Variants in ABHD12 observed in about 807,000 individuals in gnomAD.
ABHD12 encodes the protein abhydrolase domain containing 12, lysophospholipase.
In ABHD12, 43 loss-of-function variants were observed where a neutral mutation model predicts 58.3. The ratio of observed to expected loss-of-function variants is 0.74; its 90% CI spans 0.58 to 0.95. ABHD12 has a LOEUF of 0.95. Among genes scored for constraint, ABHD12 ranks in the 40% least tolerant of loss-of-function variants. The probability of loss-of-function intolerance (pLI) is 0.00; values close to 1 mark genes in which losing one functional copy is unlikely to be tolerated. For missense variants in ABHD12, 539 were observed against 537.2 expected, an observed-to-expected ratio of 1.00 and a Z score of -0.03; for synonymous variants, 219 against 211.2, an observed-to-expected ratio of 1.04 and a Z score of -0.32.
At chr20:25,295,846 A>G (rs934955792), downstream of ABHD12, among the ~76,000 whole-genome samples, 1 of 152,194 alleles carries the variant, frequency 6.6e-6, no homozygotes, top group African/African-American at 2.4e-5. Context: ...GTCACTGTCA[A>G]TGTCACTCCC....
In ABHD12 at chr20:25,300,443, C is replaced by A; in HGVS notation, c.*402G>T. ...TGTGCTGGGAAGGTGCAGAAAGAAC[C>A]TGGACCCCACGTTCTCTGTGGGTGG... On this transcript the variant is annotated 3_prime_UTR_variant, in exon 13 of 13. Coordinates refer to ENST00000339157, the MANE Select transcript of ABHD12 (RefSeq NM_001042472.3). 8.4e-7 allele frequency: 1 copy of A among 1,187,172 alleles called. No individual in the cohort carries two copies. The highest frequency in any genetic ancestry group is 1.1e-6 in the Non-Finnish European group (1 of 944,838). The allele number at this position is 1,187,172 out of a possible 1,614,324, so 73.5% of individuals were successfully genotyped here. A position where few individuals can be genotyped will look rare whatever the true frequency, so the allele number is the denominator to read the frequency against.
intron 7 of ABHD12, 55 bp from the exon 8 acceptor site, chr20:25,308,549 T>C: frequency 6.4e-7 from 1 of 1,559,488 alleles, no homozygotes. Context: ...TTTGAGATGA[T>C]ATGGGCCTTA....
intron 1 of ABHD12, among the ~76,000 whole-genome samples, chr20:25,359,193 G>A (rs6037096): frequency 0.54 from 81,642 of 150,766 alleles, 22,688 homozygotes; most frequent in Admixed American, 0.61. Flanking sequence ...AGGCCGAGGC[G>A]GGTGGATCAC....
chr20:25,353,245 GTTTT>G (rs11481056), intron 1 of ABHD12, among the ~76,000 whole-genome samples: 3 of 130,752 alleles, frequency 2.3e-5, no homozygotes, highest in African/African-American at 5.1e-5. Flanking sequence ...AGCCATAGGT[GTTTT>G]TTTTGTTTGT....
Position 25,390,553 on chromosome 20 carries a change from G to C in ABHD12, c.151C>G (p.Arg51Gly), listed in dbSNP as rs1253697846. The C allele has an allele frequency of 6.8e-7, 1 of 1,471,958 alleles. No homozygotes were observed. The highest frequency in any genetic ancestry group is 2.3e-5 in the Admixed American group (1 of 44,000). The allele number at this position is 1,471,958 out of a possible 1,614,324, so 91.2% of individuals were successfully genotyped here. Reference sequence around the variant, plus strand: ...TTCATTCCCGCGTCGGCTGCGCAGCGCGGCTCAGCCGCCGCCGGGCCCGTC... The same window carrying C: ...TTCATTCCCGCGTCGGCTGCGCAGCCCGGCTCAGCCGCCGCCGGGCCCGTC... ...RLTGPAAAEP[R>G]CAADAGMKRA... Residue 51 changes from arginine (R) to glycine (G), a missense_variant, in exon 1 of 13, where the codon CGC (arginine) becomes GGC (glycine). Physicochemically the swap from Arg to Gly is moderately radical, Grantham distance 125 (BLOSUM62 -2). Coordinates refer to ENST00000339157, the MANE Select transcript of ABHD12 (RefSeq NM_001042472.3).
chr20:25,295,705 C>T (rs781523770), downstream of ABHD12: 3 of 1,576,042 alleles, frequency 1.9e-6, no homozygotes, highest in South Asian at 2.2e-5. Flanking sequence ...AGGGGAGCAG[C>T]TGGGTGGGTC....
intron 1 of ABHD12, among the ~76,000 whole-genome samples, chr20:25,370,363 A>C (rs2089884637): frequency 6.6e-6 from 1 of 152,198 alleles, no homozygotes; most frequent in Admixed American, 6.5e-5. Flanking sequence ...CTCCAAGAGA[A>C]GGCTCTGTGG....
chr20:25,337,199 G>C (rs535926121), intron 2 of ABHD12, among the ~76,000 whole-genome samples: 1 of 152,198 alleles, frequency 6.6e-6, no homozygotes, highest in Non-Finnish European at 1.5e-5. Context: ...CTGGGAGGTC[G>C]AGGCTGCAGT....
Position 25,322,381 on chromosome 20 carries a change from A to ATATATATATATATTTT in ABHD12, c.422+943_422+944insAAAATATATATATATA. ...GGAAAAGATATATATATATATATAT[A>ATATATATATATATTTT]TTTTTTTTTTTTTTTGAGACAAGAG... On this transcript the variant is annotated intron_variant, in intron 3 of 12. Transcript: ENST00000339157. 1.5e-4 allele frequency among the ~76,000 whole-genome samples: 9 copies of ATATATATATATATTTT among 59,276 alleles called. 1 individual carries two copies. The highest frequency in any genetic ancestry group is 7.5e-4 in the African/African-American group (9 of 12,064). 38.9% of individuals were successfully genotyped at this position (59,276 alleles called of 152,430 possible).
intron 5 of ABHD12, among the ~76,000 whole-genome samples, chr20:25,315,808 A>G (rs1469387114): frequency 6.6e-6 from 1 of 151,134 alleles, no homozygotes; most frequent in Non-Finnish European, 1.5e-5. Flanking sequence ...ATCCTCCAAT[A>G]GCTCAGAGCT....
chr20:25,383,441 G>A lies in ABHD12; in HGVS notation c.191+7072C>T, dbSNP rs573066946. On this transcript the variant is annotated intron_variant, in intron 1 of 12. Transcript: ENST00000339157. Reference sequence around the variant, plus strand: ...AACACACAGACCGTGTACATCTCATGACTGCCTTCTCAGGGTCCAAATTAG... The same window carrying A: ...AACACACAGACCGTGTACATCTCATAACTGCCTTCTCAGGGTCCAAATTAG... 1.5e-3 allele frequency among the ~76,000 whole-genome samples: 223 copies of A among 152,324 alleles called. 1 individual carries two copies. Among genetic ancestry groups the A allele is most frequent in the African/African-American group, 5.1e-3 (212 of 41,556 alleles).
Position 25,339,297 on chromosome 20 carries a change from C to T in ABHD12, c.246G>A (p.Leu82=), listed in dbSNP as rs1344128011. ...LRKILFCVLG[L]YIAIPFLIKL... is the part of the protein sequence containing the mutation. ...TGATGAGAAATGGAATGGCAATGTA[C>T]AACCCCAAAACACAGAAAAGTATCT... is the stretch of plus-strand genomic sequence containing the variant. The change falls in exon 2 of 13, where the codon TTG becomes TTA. Residue 82 remains leucine (L), a synonymous_variant. Transcript: ENST00000339157. 6.2e-7 allele frequency: 1 copy of T among 1,614,178 alleles called. No homozygotes were observed. The highest frequency in any genetic ancestry group is 8.5e-7 in the Non-Finnish European group (1 of 1,180,042).
At chr20:25,322,383 T>TATATATATATATATATATA (rs1568727719) in intron 3 of ABHD12, among the ~76,000 whole-genome samples, 18 of 31,558 alleles carry the variant, frequency 5.7e-4, no homozygotes, top group African/African-American at 2.1e-3. Context: ...ATATATATAT[T>TATATATATATATATATATA]TTTTTTTTTT....
chr20:25,361,091 C>A (rs1265245995), intron 1 of ABHD12, among the ~76,000 whole-genome samples: 2 of 152,232 alleles, frequency 1.3e-5, no homozygotes, highest in East Asian at 3.8e-4. Context: ...ACAGGGCCCA[C>A]CGCCCCTGCA....
intron 2 of ABHD12, among the ~76,000 whole-genome samples, chr20:25,330,266 A>C (rs999386154): frequency 4.6e-5 from 7 of 152,244 alleles, no homozygotes; most frequent in African/African-American, 1.7e-4. Context: ...TGGCTTAAAA[A>C]ACGGCACAAC....
intron 3 of ABHD12, among the ~76,000 whole-genome samples, chr20:25,322,381 A>ATATATATATATTTTT: frequency 3.4e-4 from 20 of 59,262 alleles, no homozygotes; most frequent in African/African-American, 1.5e-3. Flanking sequence ...ATATATATAT[A>ATATATATATATTTTT]TTTTTTTTTT....
chr20:25,368,810 C>G, intron 1 of ABHD12: 1 of 626,242 alleles, frequency 1.6e-6, no homozygotes, highest in Non-Finnish European at 2.9e-6. Flanking sequence ...ATCTGCAAAG[C>G]CTACTTTCTT....
chr20:25,349,362 T>C (rs904832503), intron 1 of ABHD12, among the ~76,000 whole-genome samples: 2 of 152,190 alleles, frequency 1.3e-5, no homozygotes, highest in Non-Finnish European at 2.9e-5. Context: ...AGAATTACTA[T>C]ATAATCTAGC....
intron 1 of ABHD12, among the ~76,000 whole-genome samples, chr20:25,390,286 G>C (rs2090152215): frequency 6.6e-6 from 1 of 152,180 alleles, no homozygotes; most frequent in African/African-American, 2.4e-5. Flanking sequence ...AGGACACAGG[G>C]GGTCAGCGGC....
Sources: gnomAD v4.1 joint callset for allele counts (sites outside exome capture counted in the v4.1 genomes callset) on GRCh38, gnomAD v4.1.1 for gene constraint, MANE v1.5 for transcripts, NCBI Gene and HGNC (gene_info 2026-07-23, HGNC 2026-07-21) for gene names.